The following IRF8 variants were observed in gnomAD, a reference collection of about 807,000 sequenced individuals.
IRF8 encodes the protein interferon consensus sequence binding protein 1.
In IRF8, 14 loss-of-function variants were observed where a neutral mutation model predicts 48.7. That is an observed-to-expected ratio of 0.29 (90% CI 0.19 to 0.45). The LOEUF is 0.45. Among genes scored for constraint, IRF8 ranks in the 20% least tolerant of loss-of-function variants. IRF8 has a pLI of 1.00. For missense variants in IRF8, 493 were observed against 580.7 expected, an observed-to-expected ratio of 0.85 and a Z score of 1.55; for synonymous variants, 278 against 227.3, an observed-to-expected ratio of 1.22 and a Z score of -2.01.
intron 6 of IRF8, among the ~76,000 whole-genome samples, chr16:85,917,155 T>A (rs980895208): frequency 6.6e-6 from 1 of 152,024 alleles, no homozygotes; most frequent in Non-Finnish European, 1.5e-5. Flanking sequence ...CCTCCCCAGA[T>A]GTGGTCAGCC....
intron 7 of IRF8, among the ~76,000 whole-genome samples, chr16:85,919,232 C>A (rs1471609450): frequency 2.0e-5 from 3 of 152,208 alleles, no homozygotes; most frequent in African/African-American, 7.2e-5. Flanking sequence ...GACACGCTGA[C>A]TTTCCGCACA....
Position 85,921,233 on chromosome 16 carries a change from C to A in IRF8, c.1232C>A (p.Ala411Asp). ...QVFRMFPDIC[A>D]SHQRSFFREN... Reference sequence around the variant, plus strand: ...TTCCGGATGTTTCCAGATATTTGTGCCTCACACCAGAGATCATTTTTCAGA... The same window carrying A: ...TTCCGGATGTTTCCAGATATTTGTGACTCACACCAGAGATCATTTTTCAGA... The change falls in exon 9 of 9, where the codon GCC (alanine) becomes GAC (aspartate). Residue 411 changes from alanine to aspartate, a missense_variant. Transcript: ENST00000268638. 6.2e-7 allele frequency: 1 copy of A among 1,614,168 alleles called. No individual in the cohort carries two copies. Among genetic ancestry groups the A allele is most frequent in the East Asian group, 2.2e-5 (1 of 44,884 alleles).
In IRF8 at chr16:85,917,444, C is replaced by T. The variant is rs199733598; in HGVS notation, c.602-973C>T. ...TTTTCACAGCCTGGACTGTTACTAA[C>T]ATCATGTTTTTCCTCAAATCTTAAT... On this transcript the variant is annotated intron_variant, in intron 6 of 8. Transcript: ENST00000268638. Among the ~76,000 whole-genome samples, 8 of 152,278 alleles carry T rather than the reference C, an allele frequency of 5.3e-5. No individual in the cohort carries two copies. In the East Asian group the frequency reaches 9.6e-4, roughly 18 times the overall value.
chr16:85,904,125 G>C (rs1400809889), intron 2 of IRF8, among the ~76,000 whole-genome samples: 1 of 152,200 alleles, frequency 6.6e-6, no homozygotes, highest in African/African-American at 2.4e-5. Context: ...TGGGAGATTC[G>C]GAGCCCAAGG....
chr16:85,920,862 T>C (rs1274441984), intron 8 of IRF8, among the ~76,000 whole-genome samples: 3 of 152,218 alleles, frequency 2.0e-5, no homozygotes, highest in Non-Finnish European at 4.4e-5. Flanking sequence ...TTATTTCATG[T>C]AGTCAAGGGA....
At chr16:85,918,868 T>C (rs1347954002) in intron 7 of IRF8, 65 bp downstream of exon 7, 2 of 1,589,630 alleles carry the variant, frequency 1.3e-6, no homozygotes, top group East Asian at 2.2e-5. Flanking sequence ...CTGTGTGCCA[T>C]TTGCAGCTCA....
intron 2 of IRF8, among the ~76,000 whole-genome samples, chr16:85,907,855 G>A (rs1033877844): frequency 1.3e-5 from 2 of 152,246 alleles, no homozygotes; most frequent in African/African-American, 2.4e-5. Context: ...ACTTGCTGTG[G>A]TGGGGAAACT....
At chr16:85,899,971 A>G (rs1198240472) in intron 1 of IRF8, among the ~76,000 whole-genome samples, 1 of 152,196 alleles carries the variant, frequency 6.6e-6, no homozygotes, top group South Asian at 2.1e-4. Context: ...TCCCCAACCA[A>G]TGGCCCCCCA....
intron 2 of IRF8, among the ~76,000 whole-genome samples, chr16:85,907,215 A>G (rs985701991): frequency 6.6e-6 from 1 of 152,226 alleles, no homozygotes; most frequent in Non-Finnish European, 1.5e-5. Flanking sequence ...AACATTTTGC[A>G]TCAACAAAGT....
At chr16:85,900,462 T>C (rs551833526) in intron 1 of IRF8, among the ~76,000 whole-genome samples, 2 of 152,386 alleles carry the variant, frequency 1.3e-5, no homozygotes, top group African/African-American at 4.8e-5. Flanking sequence ...TTATGGATCA[T>C]AACTGTAGTA....
chr16:85,901,927 A>ATT (rs58626896), intron 1 of IRF8, among the ~76,000 whole-genome samples: 4 of 131,044 alleles, frequency 3.1e-5, no homozygotes, highest in South Asian at 2.5e-4. Flanking sequence ...CAAAAATGCT[A>ATT]TTTTTTTTTT....
rs1458265872 is a variant in IRF8, at chr16:85,922,182, G to A, written c.*900G>A. The A allele has an allele frequency of 6.6e-6, 1 of 152,364 alleles. No homozygotes were observed. The highest frequency in any genetic ancestry group is 1.5e-5 in the Non-Finnish European group (1 of 68,042). 9.4% of individuals were successfully genotyped at this position (152,364 alleles called of 1,614,324 possible). On this transcript the variant is annotated 3_prime_UTR_variant, in exon 9 of 9. Coordinates refer to ENST00000268638, the MANE Select transcript of IRF8 (RefSeq NM_002163.4). ...AGCCTTCATTTTGAGAAGGTGGAAG[G>A]TGTTAGGGTTTGGGAGACAGCTCAT... is the stretch of plus-strand genomic sequence containing the variant.
intron 6 of IRF8, among the ~76,000 whole-genome samples, chr16:85,916,716 G>A (rs1001718088): frequency 4.6e-5 from 7 of 152,218 alleles, no homozygotes; most frequent in South Asian, 2.1e-4. Context: ...TGCCTGAAGC[G>A]TTTCATTCAT....
chr16:85,904,958 G>A (rs995236853), intron 2 of IRF8, among the ~76,000 whole-genome samples: 29 of 151,914 alleles, frequency 1.9e-4, no homozygotes, highest in African/African-American at 5.6e-4. Flanking sequence ...TCTCTGCCTC[G>A]CCACTGTTGA....
rs547041146 is a variant in IRF8, at chr16:85,899,911, G to C, written c.-2+688G>C. Among the ~76,000 whole-genome samples the C allele has an allele frequency of 4.6e-5, 7 of 152,298 alleles. No individual in the cohort carries two copies. In the East Asian group the frequency reaches 1.2e-3, roughly 25 times the overall value. On this transcript the variant is annotated intron_variant, in intron 1 of 8. Transcript: ENST00000268638. ...TGTTACTTACCCAGAGCTGTGAAAG[G>C]CTTTACGGATGGAAACTAGAGACTG...
At chr16:85,901,667 A>G (rs936038230) in intron 1 of IRF8, among the ~76,000 whole-genome samples, 1 of 152,116 alleles carries the variant, frequency 6.6e-6, no homozygotes, top group Non-Finnish European at 1.5e-5. Context: ...TAAACGCACA[A>G]CTGAGGTTGT....
intron 1 of IRF8, 23 bp from the exon 2 acceptor site, chr16:85,902,992 G>A (rs371646188): frequency 2.5e-6 from 4 of 1,613,738 alleles, no homozygotes; most frequent in Non-Finnish European, 3.4e-6. Flanking sequence ...TAATATCACA[G>A]CGTGTATTTC....
chr16:85,905,293 G>A (rs749445350), intron 2 of IRF8, among the ~76,000 whole-genome samples: 6 of 152,180 alleles, frequency 3.9e-5, no homozygotes, highest in Non-Finnish European at 8.8e-5. Flanking sequence ...GTGTAGCCCT[G>A]ACATGTGGCA....
At chr16:85,907,871 G>A (rs763891517) in intron 2 of IRF8, among the ~76,000 whole-genome samples, 47 of 152,330 alleles carry the variant, frequency 3.1e-4, no homozygotes, top group Non-Finnish European at 6.6e-4. Context: ...AAACTGTTGG[G>A]TTGGAAGTGG....
Sources: gnomAD v4.1 joint callset for allele counts (sites outside exome capture counted in the v4.1 genomes callset) on GRCh38, gnomAD v4.1.1 for gene constraint, MANE v1.5 for transcripts, NCBI Gene and HGNC (gene_info 2026-07-23, HGNC 2026-07-21) for gene names.